Variants in CFAP54 observed in about 807,000 individuals in gnomAD.
CFAP54 encodes the protein cilia and flagella associated protein 54, also known as cilia- and flagella-associated protein 54.
In CFAP54, 290 loss-of-function variants were observed where a neutral mutation model predicts 370.4. The ratio of observed to expected loss-of-function variants is 0.78; its 90% CI spans 0.71 to 0.86. The LOEUF (loss-of-function observed/expected upper bound fraction) is 0.86. CFAP54 is among the 40% of genes least tolerant of loss of function. The pLI is 0.00. For synonymous variants in CFAP54, 1,206 were observed against 1,236.5 expected, an observed-to-expected ratio of 0.98 and a Z score of 0.52; for missense variants, 3,399 against 3,528.7, an observed-to-expected ratio of 0.96 and a Z score of 0.93.
chr12:96,581,997 G>A (rs1956037123), intron 22 of CFAP54, among the ~76,000 whole-genome samples: 1 of 152,054 alleles, frequency 6.6e-6, no homozygotes, highest in Non-Finnish European at 1.5e-5. Flanking sequence ...TACTTTCTTA[G>A]GGTAAATTTA....
chr12:96,792,583 T>C (rs955814154), intron 63 of CFAP54, 84 bp downstream of exon 63: 139 of 1,048,072 alleles, frequency 1.3e-4, no homozygotes, highest in Admixed American at 1.7e-4. Flanking sequence ...GTAGAGGACA[T>C]TCTCTTATCA....
At chr12:96,588,116 T>A (rs1227948903) in intron 22 of CFAP54, among the ~76,000 whole-genome samples, 1 of 152,230 alleles carries the variant, frequency 6.6e-6, no homozygotes, top group African/African-American at 2.4e-5. Context: ...TCACTTGAAC[T>A]TGTCCAATCT....
chr12:96,799,458 A>C (rs973874989), intron 63 of CFAP54, among the ~76,000 whole-genome samples: 13 of 151,592 alleles, frequency 8.6e-5, no homozygotes, highest in African/African-American at 3.2e-4. Context: ...AGCTTCTGCA[A>C]CTCCTTGACT....
At chr12:96,733,040 G>A (rs1957939294) in intron 50 of CFAP54, among the ~76,000 whole-genome samples, 2 of 152,070 alleles carry the variant, frequency 1.3e-5, no homozygotes, top group Non-Finnish European at 2.9e-5. Context: ...TTACAAAATG[G>A]CCATAGAAAG....
At chr12:96,620,786 A>G (rs1440797500) in intron 26 of CFAP54, among the ~76,000 whole-genome samples, 1 of 152,202 alleles carries the variant, frequency 6.6e-6, no homozygotes, top group Non-Finnish European at 1.5e-5. Context: ...TGCTAGAGCC[A>G]AGGTTTTAAT....
intron 59 of CFAP54, 126 bp from the exon 60 acceptor site, chr12:96,764,950 TA>T (rs2136671720): frequency 4.6e-6 from 3 of 651,262 alleles, no homozygotes; most frequent in Non-Finnish European, 6.9e-6. Context: ...AGGTTGTCTT[TA>T]TTTTTTCCTC....
At chr12:96,509,346 A>G (rs1592821173) in intron 4 of CFAP54, among the ~76,000 whole-genome samples, 1 of 152,348 alleles carries the variant, frequency 6.6e-6, no homozygotes, top group Admixed American at 6.5e-5. Context: ...AAGTTTTGAC[A>G]GTTTGGAATT....
intron 25 of CFAP54, among the ~76,000 whole-genome samples, chr12:96,594,879 G>A (rs1402197559): frequency 6.6e-6 from 1 of 152,138 alleles, no homozygotes; most frequent in East Asian, 1.9e-4. Context: ...GGGTAGCTGA[G>A]ACCTGGCTGA....
intron 63 of CFAP54, 89 bp from the exon 64 acceptor site, chr12:96,811,647 T>G: frequency 3.0e-6 from 2 of 671,564 alleles, no homozygotes; most frequent in Non-Finnish European, 4.7e-6. Context: ...CAAAGTACAG[T>G]GATATTATTT....
chr12:96,585,355 T>C (rs953215371), intron 22 of CFAP54, among the ~76,000 whole-genome samples: 13 of 152,088 alleles, frequency 8.5e-5, no homozygotes, highest in Admixed American at 6.5e-4. Flanking sequence ...GAGATAGGAT[T>C]TCATCATGTT....
At chr12:96,649,624 C>T (rs1031983704) in intron 34 of CFAP54, among the ~76,000 whole-genome samples, 1 of 152,210 alleles carries the variant, frequency 6.6e-6, no homozygotes, top group Admixed American at 6.5e-5. Flanking sequence ...CCTACTTCTG[C>T]ATTGTTCCTT....
intron 50 of CFAP54, among the ~76,000 whole-genome samples, chr12:96,738,610 T>A (rs1354176098): frequency 2.6e-5 from 1 of 38,308 alleles, no homozygotes; most frequent in African/African-American, 8.5e-5. Context: ...TAAATCTCCT[T>A]TTTTTTTTTT....
At position 96,658,164 on chromosome 12, in the gene CFAP54, C is replaced by A. The variant is rs567915427; in HGVS notation, c.5325-47C>A. On this transcript the variant is annotated intron_variant, in intron 37 of 67. Coordinates refer to ENST00000524981, the MANE Select transcript of CFAP54 (RefSeq NM_001306084.2). ...AGACTTCATTGAAAAAAAAAAAAGT[C>A]TTTTAACTAATGTTTTCTTTTTAAT... 5.2e-6 allele frequency: 8 copies of A among 1,549,810 alleles called. No homozygotes were observed. In the South Asian group the frequency reaches 8.4e-5, roughly 16 times the overall value.
chr12:96,696,164 TA>T (rs1472691922), intron 45 of CFAP54, among the ~76,000 whole-genome samples: 1 of 152,072 alleles, frequency 6.6e-6, no homozygotes, highest in Non-Finnish European at 1.5e-5. Context: ...TTGACTTGTT[TA>T]GGGGGTGGGG....
At chr12:96,690,995 C>A (rs1957381679) in intron 43 of CFAP54, 133 bp from the exon 44 acceptor site, 3 of 698,122 alleles carry the variant, frequency 4.3e-6, no homozygotes, top group East Asian at 5.9e-5. Flanking sequence ...TGATAAGTAC[C>A]ATTTATTACA....
In CFAP54 at chr12:96,858,420, A is replaced by G. The variant is rs1360694657; in HGVS notation, c.9172-2399A>G. On this transcript the variant is annotated intron_variant, in intron 66 of 67. Coordinates refer to ENST00000524981, the MANE Select transcript of CFAP54 (RefSeq NM_001306084.2). ...GATTCATCAGATGCATAGTTTGTAA[A>G]TATTGTCTCCCATTCTCTAGGTTGT... 2.6e-5 allele frequency among the ~76,000 whole-genome samples: 4 copies of G among 152,128 alleles called. No homozygotes were observed. The South Asian group carries it at 6.2e-4, about 24-fold the overall frequency.
intron 67 of CFAP54, among the ~76,000 whole-genome samples, chr12:96,872,358 T>G (rs1960193405): frequency 6.6e-6 from 1 of 152,184 alleles, no homozygotes; most frequent in African/African-American, 2.4e-5. Context: ...AACCATATTA[T>G]TAACTATATT....
intron 29 of CFAP54, 94 bp from the exon 30 acceptor site, chr12:96,626,719 C>T (rs1956552780): frequency 4.9e-6 from 3 of 612,024 alleles, no homozygotes; most frequent in Non-Finnish European, 7.3e-6. Context: ...ATAAACTTGC[C>T]TGTTGGAACA....
chr12:96,562,594 T>C lies in CFAP54; in HGVS notation c.2411-1874T>C, dbSNP rs1156383439. ...GGCATGTGCCACCACACCTGGCTAA[T>C]TTTTGTATTTTTTTTAGTAGAGATG... On this transcript the variant is annotated intron_variant, in intron 17 of 67. Coordinates refer to ENST00000524981, the MANE Select transcript of CFAP54 (RefSeq NM_001306084.2). Among the ~76,000 whole-genome samples, 4 of 151,886 alleles carry C rather than the reference T, an allele frequency of 2.6e-5. 1 individual carries two copies. The highest frequency in any genetic ancestry group is 1.3e-4 in the Admixed American group (2 of 15,242).
Sources: gnomAD v4.1 joint callset for allele counts (sites outside exome capture counted in the v4.1 genomes callset) on GRCh38, gnomAD v4.1.1 for gene constraint, MANE v1.5 for transcripts, NCBI Gene and HGNC (gene_info 2026-07-23, HGNC 2026-07-21) for gene names.